The following ZNF792 variants were observed in gnomAD, a reference collection of about 807,000 sequenced individuals.
The protein encoded by ZNF792 is zinc finger protein 792.
ZNF792 carries 14 observed loss-of-function variants against 13.1 expected under a neutral mutation model. The observed-to-expected ratio is 1.07, with a 90% confidence interval of 0.71 to 1.67. The LOEUF is 1.67. Among genes scored for constraint, ZNF792 ranks in the 40% most tolerant of loss-of-function variants. The pLI, the probability that ZNF792 is intolerant of heterozygous loss-of-function variation, is 0.00. For missense variants in ZNF792, 740 were observed against 807.9 expected (o/e 0.92, Z 1.02); for synonymous variants, 257 against 292.0 (o/e 0.88, Z 1.22).
chr19:34,958,065 C>G lies in ZNF792; in HGVS notation c.1790G>C (p.Cys597Ser). The change falls in exon 4 of 4, where the codon TGT (cysteine) becomes TCT (serine). Residue 597 changes from cysteine (C) to serine (S), a missense_variant. By Grantham distance (112) the Cys-to-Ser change is moderately radical. Transcript: ENST00000404801. Reference protein sequence around the residue: ...ERSMENVLLPCSQHTPEISSE... With the variant: ...ERSMENVLLPSSQHTPEISSE... ...GCTTATCTCTGGTGTGTGCTGTGAA[C>G]AGGGAAGGAGCACATTCTCCATGCT... 1 of 1,612,568 alleles carries G rather than the reference C, an allele frequency of 6.2e-7. No individual in the cohort carries two copies. The highest frequency in any genetic ancestry group is 8.5e-7 in the Non-Finnish European group (1 of 1,179,296).
At chr19:34,962,287 C>T (rs1206761016) in intron 1 of ZNF792, among the ~76,000 whole-genome samples, 1 of 152,200 alleles carries the variant, frequency 6.6e-6, no homozygotes, top group Admixed American at 6.5e-5. Flanking sequence ...TTACTCAAAG[C>T]TCACTATAGC....
chr19:34,963,520 G>T, intron 1 of ZNF792, 110 bp downstream of exon 1: 1 of 1,480,494 alleles, frequency 6.8e-7, no homozygotes, highest in East Asian at 2.5e-5. Context: ...TCAAAAGCAA[G>T]GAAATGGGAA....
In ZNF792 at chr19:34,958,327, C is replaced by T; in HGVS notation, c.1528G>A (p.Glu510Lys). 1 of 1,613,166 alleles carries T rather than the reference C, an allele frequency of 6.2e-7. No homozygotes were observed. The highest frequency in any genetic ancestry group is 1.1e-5 in the South Asian group (1 of 90,980). ...CTTTGGTTAAAGAATTTCCCACATT[C>T]ACTGCACTGGTAAGGCCGTTCACCA... Reference protein sequence around the residue: ...HTGERPYQCSECGKFFNQSSS... With the variant: ...HTGERPYQCSKCGKFFNQSSS... Residue 510 changes from glutamate to lysine, a missense_variant, in exon 4 of 4, where the codon GAA becomes AAA. Transcript: ENST00000404801.
intron 2 of ZNF792, 99 bp from the exon 3 acceptor site, chr19:34,960,456 T>C: frequency 6.8e-7 from 1 of 1,477,896 alleles, no homozygotes; most frequent in East Asian, 2.5e-5. Context: ...CACAGGGACA[T>C]TGGGTGGTCA....
At chr19:34,961,874 G>C (rs1393217117) in intron 1 of ZNF792, among the ~76,000 whole-genome samples, 2 of 152,146 alleles carry the variant, frequency 1.3e-5, no homozygotes, top group African/African-American at 4.8e-5. Flanking sequence ...GAACATAGGT[G>C]AGTGTGTAAG....
intron 2 of ZNF792, 166 bp downstream of exon 2, chr19:34,960,702 G>C (rs567176925): frequency 6.6e-6 from 7 of 1,065,838 alleles, no homozygotes; most frequent in Non-Finnish European, 9.5e-6. Context: ...GGAGAGGAGG[G>C]AACAATGCAC....
rs750699837 is a variant in ZNF792 at position 34,960,925 on chromosome 19, G to A, written c.103C>T (p.Gln35Ter). The change falls in exon 2 of 4, where the codon CAG (glutamine) becomes TAG (stop). Residue 35 changes from glutamine (Q) to a stop codon, truncating the protein, a stop_gained. Coordinates refer to ENST00000404801, the MANE Select transcript of ZNF792 (RefSeq NM_175872.5). LOFTEE classifies it high-confidence loss of function. ...ATCACATCGCAGTACAGGAGTCTCTGAGCCTCATCGAGGAGCACCCACTCC... is the reference window on the plus strand; with the variant it reads ...ATCACATCGCAGTACAGGAGTCTCTAAGCCTCATCGAGGAGCACCCACTCC... ...QEEWVLLDEAQRLLYCDVMLE... is the reference protein window; with the variant it reads ...QEEWVLLDEA The A allele has an allele frequency of 3.1e-6, 5 of 1,613,898 alleles. No homozygotes were observed. Among genetic ancestry groups the A allele is most frequent in the Admixed American group, 1.7e-5 (1 of 59,982 alleles).
chr19:34,963,915 A>C lies in ZNF792; in HGVS notation c.-253T>G, dbSNP rs1267725646. On this transcript the variant is annotated 5_prime_UTR_variant, in exon 1 of 4. Coordinates refer to ENST00000404801, the MANE Select transcript of ZNF792 (RefSeq NM_175872.5). ...GTTGCAAGGGGTCACGGCTGGTGCA[A>C]AGGCGCGGAGGGGGTCCCGGCCTCA... 6.4e-6 allele frequency: 3 copies of C among 469,266 alleles called. No homozygotes were observed. The highest frequency in any genetic ancestry group is 2.1e-5 in the African/African-American group (1 of 48,682). 29.1% of individuals were successfully genotyped at this position (469,266 alleles called of 1,614,324 possible).
Position 34,959,164 on chromosome 19 carries a change from T to G in ZNF792, c.691A>C (p.Thr231Pro). Residue 231 changes from threonine to proline, a missense_variant, in exon 4 of 4, where the codon ACT becomes CCT. Thr to Pro is a conservative substitution (Grantham distance 38). Coordinates refer to ENST00000404801, the MANE Select transcript of ZNF792 (RefSeq NM_175872.5). Reference sequence around the variant, plus strand: ...TCGTGCGGCTCCCCATCGCTGGGAGTGACCTCACACTGCAGAAACCCTGCT... The same window carrying G: ...TCGTGCGGCTCCCCATCGCTGGGAGGGACCTCACACTGCAGAAACCCTGCT... ...ATAGFLQCEV[T>P]PSDGEPHEAT... The G allele has an allele frequency of 6.2e-7, 1 of 1,613,834 alleles. No homozygotes were observed. Among genetic ancestry groups the G allele is most frequent in the Admixed American group, 1.7e-5 (1 of 60,032 alleles).
Position 34,959,566 on chromosome 19 carries a change from A to G in ZNF792, c.289T>C (p.Cys97Arg). 2 of 1,519,274 alleles carry G rather than the reference A, an allele frequency of 1.3e-6. No individual in the cohort carries two copies. Among genetic ancestry groups the G allele is most frequent in the East Asian group, 2.3e-5 (1 of 44,018 alleles). 94.1% of individuals were successfully genotyped at this position (1,519,274 alleles called of 1,614,324 possible). A position where few individuals can be genotyped will look rare whatever the true frequency, so the allele number is the denominator to read the frequency against. ...AAGTCCTTGCCCTCTGTTCCATGGC[A>G]AAAATCTGAAAGCAGAGAAATGCTG... ...GAYGRPGSDF[C>R]HGTEGKDLPS... The change falls in exon 4 of 4, where the codon TGC becomes CGC. Residue 97 changes from cysteine (C) to arginine (R), a missense_variant. By Grantham distance (180) the Cys-to-Arg change is radical. Coordinates refer to ENST00000404801, the MANE Select transcript of ZNF792 (RefSeq NM_175872.5).
chr19:34,961,583 T>C (rs1285948681), intron 1 of ZNF792, among the ~76,000 whole-genome samples: 1 of 152,180 alleles, frequency 6.6e-6, no homozygotes, highest in African/African-American at 2.4e-5. Flanking sequence ...GAGGGAGCGC[T>C]CCACCCTTGC....
rs1371985829 is a variant in ZNF792 at position 34,958,069 on chromosome 19, G to C, written c.1786C>G (p.Pro596Ala). The C allele has an allele frequency of 2.5e-6, 4 of 1,612,664 alleles. No individual in the cohort carries two copies. Among genetic ancestry groups the C allele is most frequent in the Middle Eastern group, 1.7e-4 (1 of 6,060 alleles). The change falls in exon 4 of 4, where the codon CCC becomes GCC. Residue 596 changes from proline to alanine, a missense_variant. Coordinates refer to ENST00000404801, the MANE Select transcript of ZNF792 (RefSeq NM_175872.5). ...RERSMENVLL[P>A]CSQHTPEISS... ...ATCTCTGGTGTGTGCTGTGAACAGG[G>C]AAGGAGCACATTCTCCATGCTCCTT... is the stretch of plus-strand genomic sequence containing the variant.
In ZNF792 at chr19:34,958,060, G is replaced by A. The variant is rs779073406; in HGVS notation, c.1795C>T (p.Gln599Ter). 1.2e-6 allele frequency: 2 copies of A among 1,612,614 alleles called. No homozygotes were observed. Among genetic ancestry groups the A allele is most frequent in the Non-Finnish European group, 1.7e-6 (2 of 1,179,306 alleles). Residue 599 changes from glutamine to a stop codon, truncating the protein, a stop_gained, in exon 4 of 4, where the codon CAG becomes TAG. Transcript: ENST00000404801. LOFTEE classifies it low-confidence loss of function (END_TRUNC). ...TCAGAGCTTATCTCTGGTGTGTGCT[G>A]TGAACAGGGAAGGAGCACATTCTCC... ...SMENVLLPCS[Q>*]HTPEISSENR...
chr19:34,960,307 CT>C lies in ZNF792; in HGVS notation c.210del (p.Glu71SerfsTer10), dbSNP rs761581453. On this transcript the variant is annotated frameshift_variant, in exon 3 of 4. Coordinates refer to ENST00000404801, the MANE Select transcript of ZNF792 (RefSeq NM_175872.5). LOFTEE classifies it high-confidence loss of function. The part of the protein sequence containing the change: ...SHIVSQLEMG[K>X]EPWVPDSVDM... ...TCCACACTGTCAGGCACCCAGGGCTCTTTCCCCATCTCCAACTGGGAAACGA... is the reference window on the plus strand; with the variant it reads ...TCCACACTGTCAGGCACCCAGGGCTCTTCCCCATCTCCAACTGGGAAACGA... 6.8e-6 allele frequency: 11 copies of C among 1,613,712 alleles called. No homozygotes were observed. Among genetic ancestry groups the C allele is most frequent in the Middle Eastern group, 1.7e-4 (1 of 6,050 alleles).
chr19:34,960,448 C>A, intron 2 of ZNF792, 91 bp from the exon 3 acceptor site: 1 of 1,504,872 alleles, frequency 6.6e-7, no homozygotes, highest in Non-Finnish European at 8.9e-7. Flanking sequence ...CCGTATGACA[C>A]AGGGACATTG....
Position 34,958,730 on chromosome 19 carries a change from G to A in ZNF792, c.1125C>T (p.Phe375=). ...PYECSDCGKF[F]SQRSNLIHHK... ...GATGAATGAGGTTGGAACGCTGGCTGAAGAACTTCCCACAGTCGCTGCACT... is the reference window on the plus strand; with the variant it reads ...GATGAATGAGGTTGGAACGCTGGCTAAAGAACTTCCCACAGTCGCTGCACT... Residue 375 remains phenylalanine, a synonymous_variant, in exon 4 of 4, where the codon TTC becomes TTT. Transcript: ENST00000404801. The A allele has an allele frequency of 3.1e-6, 5 of 1,613,984 alleles. No individual in the cohort carries two copies. Among genetic ancestry groups the A allele is most frequent in the Non-Finnish European group, 2.5e-6 (3 of 1,179,952 alleles).
In ZNF792 at chr19:34,964,123, T is replaced by G; in HGVS notation, c.-461A>C. 1 of 158,078 alleles carries G rather than the reference T, an allele frequency of 6.3e-6. No homozygotes were observed. The highest frequency in any genetic ancestry group is 1.4e-5 in the Non-Finnish European group (1 of 72,092). 9.8% of individuals were successfully genotyped at this position (158,078 alleles called of 1,614,324 possible). ...CGTGGCGGCCGGGAGAGTTGCCCTCTCCCGTACTGTCATTGGCCTGGCGCC... is the reference window on the plus strand; with the variant it reads ...CGTGGCGGCCGGGAGAGTTGCCCTCGCCCGTACTGTCATTGGCCTGGCGCC... On this transcript the variant is annotated 5_prime_UTR_variant, in exon 1 of 4. Transcript: ENST00000404801.
Position 34,958,315 on chromosome 19 carries a change from A to G in ZNF792, c.1540T>C (p.Phe514Leu). The G allele has an allele frequency of 6.2e-7, 1 of 1,612,564 alleles. No homozygotes were observed. The highest frequency in any genetic ancestry group is 8.5e-7 in the Non-Finnish European group (1 of 1,179,366). The change falls in exon 4 of 4, where the codon TTC (phenylalanine) becomes CTC (leucine). Residue 514 changes from phenylalanine (F) to leucine (L), a missense_variant. Transcript: ENST00000404801. ...TTGAGGCTGGAGCTTTGGTTAAAGA[A>G]TTTCCCACATTCACTGCACTGGTAA... is the stretch of plus-strand genomic sequence containing the variant. ...RPYQCSECGK[F>L]FNQSSSLNNH...
At position 34,958,444 on chromosome 19, in the gene ZNF792, C is replaced by T; in HGVS notation, c.1411G>A (p.Val471Ile). The T allele has an allele frequency of 1.2e-6, 2 of 1,609,368 alleles. No individual in the cohort carries two copies. The highest frequency in any genetic ancestry group is 1.7e-6 in the Non-Finnish European group (2 of 1,177,354). The change falls in exon 4 of 4, where the codon GTT (valine) becomes ATT (isoleucine). Residue 471 changes from valine (V) to isoleucine (I), a missense_variant. Val to Ile is a conservative substitution (Grantham distance 29). Transcript: ENST00000404801. ...RSSDLMKHQR[V>I]HTGERPYECN... Reference sequence around the variant, plus strand: ...TCATAAGGCCGCTCACCAGTGTGAACTCGCTGATGTTTCATGAGGTCAGAG... The same window carrying T: ...TCATAAGGCCGCTCACCAGTGTGAATTCGCTGATGTTTCATGAGGTCAGAG...
Sources: gnomAD v4.1 joint callset for allele counts (sites outside exome capture counted in the v4.1 genomes callset) on GRCh38, gnomAD v4.1.1 for gene constraint, MANE v1.5 for transcripts, NCBI Gene and HGNC (gene_info 2026-07-23, HGNC 2026-07-21) for gene names.